The following DCAF1 variants were observed in gnomAD, a reference collection of about 807,000 sequenced individuals.
DCAF1 encodes DDB1- and CUL4-associated factor 1.
A neutral mutation model predicts 128.0 loss-of-function variants in DCAF1; 15 were observed. The ratio of observed to expected loss-of-function variants is 0.12; its 90% confidence interval spans 0.08 to 0.18. The LOEUF is 0.18. Among genes scored for constraint, DCAF1 ranks in the 10% least tolerant of loss-of-function variants. The probability of loss-of-function intolerance (pLI) is 1.00; values close to 1 mark genes in which losing one functional copy is unlikely to be tolerated. For missense variants in DCAF1, 988 were observed against 1,649.5 expected, an observed-to-expected ratio of 0.60 and a Z score of 6.95; for synonymous variants, 610 against 603.0, an observed-to-expected ratio of 1.01 and a Z score of -0.17.
intron 2 of DCAF1, among the ~76,000 whole-genome samples, chr3:51,492,007 T>C (rs1245121350): frequency 6.8e-6 from 1 of 147,132 alleles, no homozygotes; most frequent in Non-Finnish European, 1.5e-5. Context: ...ATACAAGAAA[T>C]TGGCCAGGTG....
chr3:51,436,071 C>A (rs1377970404), intron 9 of DCAF1, among the ~76,000 whole-genome samples: 1 of 152,218 alleles, frequency 6.6e-6, no homozygotes, highest in Admixed American at 6.5e-5. Context: ...CCTCTCAAAA[C>A]TTCTGCTTCA....
At chr3:51,447,850 A>G (rs7635546) in intron 6 of DCAF1, among the ~76,000 whole-genome samples, 1,710 of 152,280 alleles carry the variant, frequency 0.011, 44 homozygotes, top group African/African-American at 0.038. Context: ...CAGGAGGCTG[A>G]GGCAGGAGAA....
At chr3:51,411,645 C>T (rs533917664) in intron 23 of DCAF1, among the ~76,000 whole-genome samples, 12 of 152,248 alleles carry the variant, frequency 7.9e-5, no homozygotes, top group African/African-American at 2.9e-4. Flanking sequence ...TCAACTCTTA[C>T]CCTAATAATA....
intron 22 of DCAF1, 119 bp from the exon 23 acceptor site, chr3:51,412,599 C>A: frequency 6.7e-7 from 1 of 1,482,024 alleles, no homozygotes; most frequent in East Asian, 2.4e-5. Context: ...TTCTGATACC[C>A]GAAATTCTTG....
intron 23 of DCAF1, among the ~76,000 whole-genome samples, chr3:51,405,533 G>C (rs2090044450): frequency 2.0e-5 from 3 of 152,196 alleles, no homozygotes; most frequent in African/African-American, 7.2e-5. Context: ...GTAGGAAAGA[G>C]ATCTACCTGA....
downstream of DCAF1, chr3:51,396,119 T>TTC (rs2089186247): frequency 2.5e-6 from 1 of 407,426 alleles, no homozygotes; most frequent in African/African-American, 2.1e-5. Context: ...AGTCCAAAAC[T>TTC]TCTTCTCTGG....
At chr3:51,405,977 T>A (rs192544288) in intron 23 of DCAF1, among the ~76,000 whole-genome samples, 5 of 152,092 alleles carry the variant, frequency 3.3e-5, no homozygotes, top group Non-Finnish European at 4.4e-5. Flanking sequence ...AAGGCTACAT[T>A]GAACTACGAT....
At chr3:51,443,927 T>G in intron 6 of DCAF1, 24 bp from the exon 7 acceptor site, 2 of 1,550,522 alleles carry the variant, frequency 1.3e-6, no homozygotes, top group Non-Finnish European at 1.7e-6. Flanking sequence ...AATTAAATAG[T>G]ACATTTCGGA....
chr3:51,420,806 G>A lies in DCAF1; in HGVS notation c.2164C>T (p.Leu722=), dbSNP rs1230190049. The A allele has an allele frequency of 6.2e-7, 1 of 1,614,020 alleles. No homozygotes were observed. Among genetic ancestry groups the A allele is most frequent in the South Asian group, 1.1e-5 (1 of 91,080 alleles). Residue 722 remains leucine, a synonymous_variant, in exon 15 of 25, where the codon CTG becomes TTG. Coordinates refer to ENST00000684031, the MANE Select transcript of DCAF1 (RefSeq NM_001387579.1). The surrounding 1 kb of genome is among the most constrained non-coding windows in gnomAD (Gnocchi z 6.5). ...PQNPKSSEHT[L]AKMWNVVQSN... is the part of the protein sequence containing the mutation. ...TGAACCACATTCCACATCTTGGCCA[G>A]GGTGTGCTCACTGCTTTTAGGGTTC... is the stretch of plus-strand genomic sequence containing the variant.
chr3:51,499,751 G>C (rs1708653811), intron 1 of DCAF1, 122 bp downstream of exon 1: 1 of 138,962 alleles, frequency 7.2e-6, no homozygotes. Flanking sequence ...CCTCCTCGCC[G>C]GCGGCCCAAG....
intron 17 of DCAF1, 107 bp downstream of exon 17, chr3:51,418,009 C>T (rs1177012033): frequency 1.1e-5 from 16 of 1,396,968 alleles, no homozygotes; most frequent in African/African-American, 7.3e-5. Context: ...TAACAATAAC[C>T]GACAGCATCC....
intron 6 of DCAF1, among the ~76,000 whole-genome samples, chr3:51,456,803 G>A (rs1292717642): frequency 6.6e-6 from 1 of 152,114 alleles, no homozygotes; most frequent in African/African-American, 2.4e-5. Flanking sequence ...AGGCAAACAG[G>A]GTCTGAAGTG....
rs1553634937 is a variant in DCAF1 at position 51,429,327 on chromosome 3, T to C, written c.1611A>G (p.Glu537=). 1.3e-6 allele frequency: 1 copy of C among 780,846 alleles called. No homozygotes were observed. Among genetic ancestry groups the C allele is most frequent in the East Asian group, 2.4e-5 (1 of 41,254 alleles). 48.4% of individuals were successfully genotyped at this position (780,846 alleles called of 1,614,324 possible). A position where few individuals can be genotyped will look rare whatever the true frequency, so the allele number is the denominator to read the frequency against. The change falls in exon 12 of 25, where the codon GAA becomes GAG. Residue 537 remains glutamate (E), a synonymous_variant. Transcript: ENST00000684031. ...YFEAHLAIKL[E]QVKQSLQRTE... ...TCCTCTGAAGTGACTGCTTCACTTGTTCCAATTTAATGGCCAGGTGAGCCT... is the reference window on the plus strand; with the variant it reads ...TCCTCTGAAGTGACTGCTTCACTTGCTCCAATTTAATGGCCAGGTGAGCCT...
At chr3:51,466,739 A>G (rs1320545060) in intron 5 of DCAF1, 64 bp downstream of exon 5, 2 of 1,556,396 alleles carry the variant, frequency 1.3e-6, no homozygotes, top group African/African-American at 2.7e-5. Flanking sequence ...TATTCACGAA[A>G]AAACAATAAA....
chr3:51,406,364 A>C (rs891270860), intron 23 of DCAF1, among the ~76,000 whole-genome samples: 11 of 151,088 alleles, frequency 7.3e-5, no homozygotes, highest in African/African-American at 1.9e-4. Context: ...AAAAAAAAAA[A>C]ACCAAATTTT....
chr3:51,447,384 T>G (rs1553640517), intron 6 of DCAF1, among the ~76,000 whole-genome samples: 1 of 151,966 alleles, frequency 6.6e-6, no homozygotes, highest in Non-Finnish European at 1.5e-5. Flanking sequence ...CACTCCAACC[T>G]AGGTGACAGA....
rs999095464 is a variant in DCAF1 at position 51,447,153 on chromosome 3, T to G, written c.376-3250A>C. ...TGGGCATGGTGGCTCATGCCTGTAATCCTAGCACTTTGCAAGGCCAAGGCG... is the reference window on the plus strand; with the variant it reads ...TGGGCATGGTGGCTCATGCCTGTAAGCCTAGCACTTTGCAAGGCCAAGGCG... On this transcript the variant is annotated intron_variant, in intron 6 of 24. Coordinates refer to ENST00000684031, the MANE Select transcript of DCAF1 (RefSeq NM_001387579.1). Among the ~76,000 whole-genome samples the G allele has an allele frequency of 5.3e-5, 8 of 151,946 alleles. 1 individual carries two copies. The highest frequency in any genetic ancestry group is 1.0e-4 in the Non-Finnish European group (7 of 67,978).
intron 6 of DCAF1, among the ~76,000 whole-genome samples, chr3:51,460,605 C>G (rs2108013391): frequency 6.6e-6 from 1 of 151,908 alleles, no homozygotes; most frequent in South Asian, 2.1e-4. Flanking sequence ...ATCACCAAGT[C>G]AATCCTAAGC....
At chr3:51,501,468 C>T (rs1708805109), upstream of DCAF1, among the ~76,000 whole-genome samples, 1 of 152,170 alleles carries the variant, frequency 6.6e-6, no homozygotes, top group Non-Finnish European at 1.5e-5. Flanking sequence ...CTCATTATCT[C>T]TCCGGGAATG....
Sources: gnomAD v4.1 joint callset for allele counts (sites outside exome capture counted in the v4.1 genomes callset) on GRCh38, gnomAD v4.1.1 for gene constraint, Gnocchi (gnomAD v3.1) non-coding constraint, MANE v1.5 for transcripts, NCBI Gene and HGNC (gene_info 2026-07-23, HGNC 2026-07-21) for gene names.